The following ATRX variants were observed in gnomAD, a reference collection of about 807,000 sequenced individuals.
ATRX encodes ATRX chromatin remodeler.
In ATRX, 12 loss-of-function variants were observed where a neutral mutation model predicts 172.6. The observed-to-expected ratio is 0.07, with a 90% CI of 0.04 to 0.11. The LOEUF is 0.11. ATRX is among the 10% of genes least tolerant of loss of function. ATRX has a pLI of 1.00. For missense variants in ATRX, 1,368 were observed against 1,767.4 expected, an observed-to-expected ratio of 0.77 and a Z score of 4.05; for synonymous variants, 674 against 594.7, an observed-to-expected ratio of 1.13 and a Z score of -1.94.
chrX:77,595,326 G>A (rs1479871376), intron 25 of ATRX: 2 of 111,559 alleles, frequency 1.8e-5, no homozygotes, highest in Non-Finnish European at 3.8e-5. Flanking sequence ...TATCTCCAGA[G>A]TGATTCTACA....
intron 30 of ATRX, among the ~76,000 whole-genome samples, chrX:77,556,333 AAGAGGG>A (rs1407604356): frequency 1.2e-4 from 4 of 33,275 alleles, no homozygotes; most frequent in African/African-American, 3.8e-4. Context: ...GAGAGAGGGG[AAGAGGG>A]AGAGGGAGAG....
chrX:77,630,517 G>T (rs2068059263), intron 19 of ATRX, among the ~76,000 whole-genome samples: 1 of 112,080 alleles, frequency 8.9e-6, no homozygotes, highest in Non-Finnish European at 1.9e-5. Context: ...TTAAAACAAT[G>T]TCACACTGGC....
chrX:77,723,010 T>TA (rs1289240601), intron 1 of ATRX, among the ~76,000 whole-genome samples: 2 of 111,638 alleles, frequency 1.8e-5, no homozygotes, highest in African/African-American at 3.3e-5. Flanking sequence ...TATGCAGCCA[T>TA]AAAAAAGGAT....
chrX:77,670,600 CA>C (rs2070507464), intron 10 of ATRX, among the ~76,000 whole-genome samples: 1 of 109,218 alleles, frequency 9.2e-6, no homozygotes, highest in African/African-American at 3.3e-5. Context: ...ACTAAAAATA[CA>C]AAAATTAGCC....
chrX:77,753,700 C>T (rs782434369), intron 1 of ATRX, among the ~76,000 whole-genome samples: 61 of 111,743 alleles, frequency 5.5e-4, no homozygotes, highest in African/African-American at 1.9e-3. Context: ...TTCTTTATTT[C>T]TGCCTTAATT....
intron 2 of ATRX, among the ~76,000 whole-genome samples, chrX:77,703,367 C>T (rs782331747): frequency 8.0e-4 from 90 of 112,923 alleles, no homozygotes; most frequent in African/African-American, 2.5e-3. Flanking sequence ...CCGGTCACTG[C>T]GCAATCAGAC....
intron 22 of ATRX, among the ~76,000 whole-genome samples, chrX:77,602,088 C>T (rs1557087481): frequency 8.9e-6 from 1 of 111,901 alleles, no homozygotes; most frequent in Non-Finnish European, 1.9e-5. Flanking sequence ...ACTGCAACCT[C>T]GAACTCCTGC....
intron 27 of ATRX, among the ~76,000 whole-genome samples, chrX:77,586,108 T>A (rs2066010011): frequency 8.9e-6 from 1 of 111,945 alleles, no homozygotes; most frequent in African/African-American, 3.2e-5. Flanking sequence ...CAAAAATAAT[T>A]AAAAATTGTA....
In ATRX at chrX:77,697,609, C is replaced by T. The variant is rs2148681410; in HGVS notation, c.216G>A (p.Lys72=). Reference sequence around the variant, plus strand: ...TCTTTGATCGTGACGATCCTGAAGACTTGGATTTTTCTGAAGAGCTAGTTC... The same window carrying T: ...TCTTTGATCGTGACGATCCTGAAGATTTGGATTTTTCTGAAGAGCTAGTTC... ...EEGTSSSEKS[K]SSGSSRSKRK... is the part of the protein sequence containing the mutation. Residue 72 remains lysine, a synonymous_variant, in exon 4 of 35, where the codon AAG becomes AAA. Transcript: ENST00000373344. 8.3e-7 allele frequency: 1 copy of T among 1,210,462 alleles called. No homozygotes were observed. The highest frequency in any genetic ancestry group is 1.8e-5 in the South Asian group (1 of 56,836).
chrX:77,694,167 A>G (rs1262191160), intron 5 of ATRX, among the ~76,000 whole-genome samples: 1 of 112,110 alleles, frequency 8.9e-6, no homozygotes, highest in Non-Finnish European at 1.9e-5. Flanking sequence ...AAAGGGAGGT[A>G]TTATGGAGTG....
At chrX:77,760,484 G>C (rs1207816319) in intron 1 of ATRX, among the ~76,000 whole-genome samples, 1 of 76,495 alleles carries the variant, frequency 1.3e-5, no homozygotes, top group Non-Finnish European at 2.5e-5. Context: ...GAGGGGGGAG[G>C]GGGGAGGGAT....
intron 19 of ATRX, among the ~76,000 whole-genome samples, chrX:77,625,031 G>A (rs2067770251): frequency 8.9e-6 from 1 of 111,959 alleles, no homozygotes; most frequent in Non-Finnish European, 1.9e-5. Flanking sequence ...GCTTGGTACT[G>A]GTATAAAAAT....
intron 1 of ATRX, among the ~76,000 whole-genome samples, chrX:77,764,245 A>G (rs1427912400): frequency 8.9e-6 from 1 of 112,462 alleles, no homozygotes; most frequent in Non-Finnish European, 1.9e-5. Flanking sequence ...ACTTTAAATC[A>G]TTATCTTGTA....
At chrX:77,645,303 TA>T (rs781982617) in intron 15 of ATRX, among the ~76,000 whole-genome samples, 2 of 111,112 alleles carry the variant, frequency 1.8e-5, no homozygotes, top group East Asian at 5.7e-4. Flanking sequence ...CACATCCAGA[TA>T]ATTTTTTAAT....
intron 2 of ATRX, among the ~76,000 whole-genome samples, chrX:77,711,831 T>C (rs782385631): frequency 8.9e-6 from 1 of 111,955 alleles, no homozygotes; most frequent in African/African-American, 3.2e-5. Context: ...AAAGAACCTG[T>C]CTCAAAAAAA....
intron 6 of ATRX, among the ~76,000 whole-genome samples, chrX:77,689,730 T>C (rs913696780): frequency 1.8e-5 from 2 of 112,312 alleles, no homozygotes; most frequent in Non-Finnish European, 3.8e-5. Context: ...AGCTAAACAT[T>C]AGAGTCATCT....
intron 1 of ATRX, among the ~76,000 whole-genome samples, chrX:77,737,225 G>C (rs1381451901): frequency 2.7e-5 from 3 of 110,109 alleles, no homozygotes; most frequent in Admixed American, 1.9e-4. Context: ...GAGTTCGATA[G>C]CAGCCTGGCC....
chrX:77,616,181 C>T, intron 22 of ATRX: 2 of 831,229 alleles, frequency 2.4e-6, no homozygotes, highest in Non-Finnish European at 2.9e-6. Flanking sequence ...ATACTACATG[C>T]CTTGCCTTCT....
Position 77,785,962 on chromosome X carries a change from G to T in ATRX, c.20+20C>A. 1 of 1,189,862 alleles carries T rather than the reference G, an allele frequency of 8.4e-7. No homozygotes were observed. ...CTGGGCCCAGACCGCTGGGGCCCAT[G>T]AGACGGGGTTGCGTTTTACCTCATG... On this transcript the variant is annotated intron_variant, in intron 1 of 34. Coordinates refer to ENST00000373344, the MANE Select transcript of ATRX (RefSeq NM_000489.6).
Sources: gnomAD v4.1 joint callset for allele counts (sites outside exome capture counted in the v4.1 genomes callset) on GRCh38, gnomAD v4.1.1 for gene constraint, MANE v1.5 for transcripts, NCBI Gene and HGNC (gene_info 2026-07-23, HGNC 2026-07-21) for gene names.